Variants in VAPB observed in about 807,000 individuals in gnomAD.
VAPB encodes VAMP associated protein B and C.
In VAPB, 7 loss-of-function variants were observed where a neutral mutation model predicts 25.6. The observed-to-expected ratio is 0.27, with a 90% CI of 0.16 to 0.51. The LOEUF is 0.51. Ranked by LOEUF, VAPB falls within the 20% of genes least tolerant of loss-of-function variation. The pLI is 0.97. For missense variants in VAPB, 266 were observed against 301.3 expected (o/e 0.88, Z 0.87); for synonymous variants, 112 against 109.2 (o/e 1.03, Z -0.16).
At chr20:58,419,509 T>C (rs1386377757) in intron 2 of VAPB, among the ~76,000 whole-genome samples, 1 of 152,224 alleles carries the variant, frequency 6.6e-6, no homozygotes, top group African/African-American at 2.4e-5. Flanking sequence ...TACTATCTCA[T>C]GTCATTTCTC....
In VAPB at chr20:58,389,321, A is replaced by G. The variant is rs1042509333; in HGVS notation, c.-139A>G. ...AGACCGACCCCCCCCCAGCGCGCCCACCCGGTAGAGGACCCCCGCCCGTGC... is the reference window on the plus strand; with the variant it reads ...AGACCGACCCCCCCCCAGCGCGCCCGCCCGGTAGAGGACCCCCGCCCGTGC... On this transcript the variant is annotated 5_prime_UTR_variant, in exon 1 of 6. Transcript: ENST00000475243. 20 of 152,280 alleles carry G rather than the reference A, an allele frequency of 1.3e-4. 2 individuals are homozygous for G. The Admixed American group carries it at 1.6e-3, about 12-fold the overall frequency. The allele number at this position is 152,280 out of a possible 1,614,324, so 9.4% of individuals were successfully genotyped here.
intron 1 of VAPB, among the ~76,000 whole-genome samples, chr20:58,390,587 GC>G (rs1987770872): frequency 1.3e-5 from 2 of 152,110 alleles, no homozygotes; most frequent in South Asian, 2.1e-4. Context: ...TGCAGATAGT[GC>G]TAAGTGCTGT....
In VAPB at chr20:58,448,181, CA is replaced by C. The variant is rs1235123368; in HGVS notation, c.*3949del. 2.2e-6 allele frequency: 1 copy of C among 453,978 alleles called. No individual in the cohort carries two copies. 28.1% of individuals were successfully genotyped at this position (453,978 alleles called of 1,614,324 possible). A position where few individuals can be genotyped will look rare whatever the true frequency, so the allele number is the denominator to read the frequency against. ...GGAATTGTATTTAGAAAGGCCCCTG[CA>C]AAGTATATAGATGGATGACTCTAGT... On this transcript the variant is annotated 3_prime_UTR_variant, in exon 6 of 6. Transcript: ENST00000475243.
rs183678916 is a variant in VAPB at position 58,422,577 on chromosome 20, C to G, written c.211+4214C>G. 2.7e-5 allele frequency among the ~76,000 whole-genome samples: 4 copies of G among 148,232 alleles called. No individual in the cohort carries two copies. The East Asian group carries it at 7.8e-4, about 29-fold the overall frequency. On this transcript the variant is annotated intron_variant, in intron 2 of 5. Coordinates refer to ENST00000475243, the MANE Select transcript of VAPB (RefSeq NM_004738.5). The stretch of plus-strand genomic sequence containing the variant: ...TAAGGTACATAATTTCTGAAAATGT[C>G]TTTGTGGTAAGCTGTTAGTGGTTGT...
chr20:58,404,265 C>T (rs1988171035), intron 1 of VAPB, among the ~76,000 whole-genome samples: 1 of 152,194 alleles, frequency 6.6e-6, no homozygotes, highest in Admixed American at 6.5e-5. Flanking sequence ...TCTTCAGAGT[C>T]AGGCCACACC....
At position 58,449,172 on chromosome 20, in the gene VAPB, C is replaced by T. The variant is rs1437283195; in HGVS notation, c.*4937C>T. On this transcript the variant is annotated 3_prime_UTR_variant, in exon 6 of 6. Coordinates refer to ENST00000475243, the MANE Select transcript of VAPB (RefSeq NM_004738.5). ...CCCCCAGCTTCACAGACCTCTTCCTCCAGCCTCTGAATCCCATTAGCCACA... is the reference window on the plus strand; with the variant it reads ...CCCCCAGCTTCACAGACCTCTTCCTTCAGCCTCTGAATCCCATTAGCCACA... 1 of 454,140 alleles carries T rather than the reference C, an allele frequency of 2.2e-6. No individual in the cohort carries two copies. The highest frequency in any genetic ancestry group is 6.9e-5 in the East Asian group (1 of 14,396). 28.1% of individuals were successfully genotyped at this position (454,140 alleles called of 1,614,324 possible). A position where few individuals can be genotyped will look rare whatever the true frequency, so the allele number is the denominator to read the frequency against.
intron 1 of VAPB, among the ~76,000 whole-genome samples, chr20:58,393,609 C>T (rs1377985242): frequency 2.0e-5 from 3 of 152,120 alleles, no homozygotes; most frequent in Admixed American, 6.5e-5. Context: ...ATTTTTTGGT[C>T]GTTCAGGACT....
intron 2 of VAPB, among the ~76,000 whole-genome samples, chr20:58,423,487 C>A (rs554607964): frequency 7.2e-6 from 1 of 139,022 alleles, no homozygotes; most frequent in Non-Finnish European, 1.5e-5. Flanking sequence ...ATCAGCAGCT[C>A]TTCTTGGATG....
chr20:58,436,395 G>A (rs1319140802), intron 3 of VAPB, among the ~76,000 whole-genome samples: 2 of 143,564 alleles, frequency 1.4e-5, no homozygotes, highest in South Asian at 2.2e-4. Context: ...ATGCAGTGGA[G>A]TGATCTCAGC....
intron 1 of VAPB, among the ~76,000 whole-genome samples, chr20:58,401,786 A>G (rs1988101904): frequency 6.6e-6 from 1 of 152,180 alleles, no homozygotes; most frequent in Admixed American, 6.5e-5. Flanking sequence ...GCCCATATAA[A>G]AGGCTGCAAT....
At position 58,389,311 on chromosome 20, in the gene VAPB, C is replaced by G. The variant is rs878896772; in HGVS notation, c.-149C>G. 1.4e-5 allele frequency: 10 copies of G among 719,830 alleles called. No homozygotes were observed. The highest frequency in any genetic ancestry group is 1.5e-5 in the South Asian group (1 of 66,450). 44.6% of individuals were successfully genotyped at this position (719,830 alleles called of 1,614,324 possible). A position where few individuals can be genotyped will look rare whatever the true frequency, so the allele number is the denominator to read the frequency against. ...TGCACCGCGTAGACCGACCCCCCCC[C>G]AGCGCGCCCACCCGGTAGAGGACCC... On this transcript the variant is annotated 5_prime_UTR_variant, in exon 1 of 6. Transcript: ENST00000475243.
At chr20:58,401,418 C>T (rs185451238) in intron 1 of VAPB, among the ~76,000 whole-genome samples, 56 of 152,194 alleles carry the variant, frequency 3.7e-4, no homozygotes, top group East Asian at 3.3e-3. Flanking sequence ...TTCTGTTCTT[C>T]ACTTCTAGTC....
At chr20:58,406,104 TG>T (rs1988224985) in intron 1 of VAPB, among the ~76,000 whole-genome samples, 1 of 152,084 alleles carries the variant, frequency 6.6e-6, no homozygotes, top group Admixed American at 6.6e-5. Context: ...GAGTGCCGTT[TG>T]GACATGAGAA....
intron 1 of VAPB, among the ~76,000 whole-genome samples, chr20:58,412,145 T>A (rs957006784): frequency 6.6e-6 from 1 of 152,230 alleles, no homozygotes; most frequent in Non-Finnish European, 1.5e-5. Flanking sequence ...ATTTTTTTCA[T>A]GGATTTTGTT....
At chr20:58,422,285 C>T (rs1338041306) in intron 2 of VAPB, among the ~76,000 whole-genome samples, 1 of 152,142 alleles carries the variant, frequency 6.6e-6, no homozygotes, top group African/African-American at 2.4e-5. Flanking sequence ...GCCCAGAATA[C>T]TGTGGTTTTG....
intron 1 of VAPB, among the ~76,000 whole-genome samples, chr20:58,400,915 A>G (rs1236880958): frequency 6.6e-6 from 1 of 152,224 alleles, no homozygotes; most frequent in Non-Finnish European, 1.5e-5. Context: ...TGACCTTTGT[A>G]AAGTCAGGCA....
At chr20:58,418,493 C>G in intron 2 of VAPB, 130 bp downstream of exon 2, 1 of 1,153,926 alleles carries the variant, frequency 8.7e-7, no homozygotes, top group Non-Finnish European at 1.2e-6. Context: ...CCCCACCCCA[C>G]CCCACCCCAC....
intron 2 of VAPB, among the ~76,000 whole-genome samples, chr20:58,419,786 CT>C (rs1486010081): frequency 4.6e-5 from 7 of 152,160 alleles, no homozygotes; most frequent in Non-Finnish European, 1.0e-4. Flanking sequence ...CTTCTATCTA[CT>C]TTCCCCCCCT....
At chr20:58,423,434 A>AAAAAAAAAAAAAAAAAAAAAAAAAAAAAC (rs1988715639) in intron 2 of VAPB, among the ~76,000 whole-genome samples, 1 of 148,708 alleles carries the variant, frequency 6.7e-6, no homozygotes, top group Non-Finnish European at 1.5e-5. Context: ...AAAAAAAAAA[A>AAAAAAAAAAAAAAAAAAAAAAAAAAAAAC]AAAAAAAAAA....
Sources: allele counts gnomAD v4.1 joint callset (sites outside exome capture counted in the v4.1 genomes callset), GRCh38; gene constraint gnomAD v4.1.1; transcripts MANE v1.5; gene names NCBI Gene and HGNC (gene_info 2026-07-23, HGNC 2026-07-21).